Variants in RYR2 observed in about 807,000 individuals in gnomAD.
RYR2 encodes cardiac muscle ryanodine receptor-calcium release channel.
RYR2 carries 227 observed loss-of-function variants against 601.1 expected under a neutral mutation model. The ratio of observed to expected loss-of-function variants is 0.38; its 90% confidence interval spans 0.34 to 0.42. The LOEUF (loss-of-function observed/expected upper bound fraction) is 0.42. RYR2 is among the 10% of genes least tolerant of loss of function. RYR2 has a pLI of 1.00. For missense variants in RYR2, 4,646 were observed against 6,156.5 expected, an observed-to-expected ratio of 0.75 and a Z score of 8.21; for synonymous variants, 2,223 against 2,175.1, an observed-to-expected ratio of 1.02 and a Z score of -0.61.
At chr1:237,183,002 A>G (rs565384226) in intron 1 of RYR2, among the ~76,000 whole-genome samples, 1 of 152,280 alleles carries the variant, frequency 6.6e-6, no homozygotes, top group East Asian at 1.9e-4. Flanking sequence ...GAAAACAGGT[A>G]ACTCTGGTTT....
In RYR2 at chr1:237,682,030, A is replaced by G. The variant is rs77940068; in HGVS notation, c.9017+1453A>G. 9.7e-3 allele frequency among the ~76,000 whole-genome samples: 1,483 copies of G among 152,258 alleles called. 22 individuals are homozygous for G. Among genetic ancestry groups the G allele is most frequent in the African/African-American group, 0.033 (1,382 of 41,536 alleles). On this transcript the variant is annotated intron_variant, in intron 62 of 104. Transcript: ENST00000366574. ...AGAAAATAGAGAAAAATTCAAATAA[A>G]TCAATGCAAATTCTGCTATTTTCCT...
chr1:237,113,706 A>G (rs560432462), intron 1 of RYR2, among the ~76,000 whole-genome samples: 17 of 152,296 alleles, frequency 1.1e-4, no homozygotes, highest in Non-Finnish European at 1.9e-4. Flanking sequence ...GAGAAAAGAG[A>G]TAAGAACCAG....
At chr1:237,108,877 G>A (rs1232471966) in intron 1 of RYR2, among the ~76,000 whole-genome samples, 1 of 152,188 alleles carries the variant, frequency 6.6e-6, no homozygotes, top group Non-Finnish European at 1.5e-5. Context: ...GTGTTTTGGG[G>A]TACTGGCTCC....
At chr1:237,583,803 A>G (rs1559065566) in intron 29 of RYR2, among the ~76,000 whole-genome samples, 1 of 152,162 alleles carries the variant, frequency 6.6e-6, no homozygotes, top group African/African-American at 2.4e-5. Context: ...TTGCCCCTAC[A>G]TCTTTGGGAC....
intron 91 of RYR2, among the ~76,000 whole-genome samples, chr1:237,787,280 A>G (rs1191050417): frequency 6.6e-6 from 1 of 152,068 alleles, no homozygotes. Flanking sequence ...TTAATGGAAA[A>G]TGTTAAAAAT....
At position 237,176,102 on chromosome 1, in the gene RYR2, CCTGTAGTCCCAGTTGTTT is replaced by C. The variant is rs1345487473; in HGVS notation, c.49-94394_49-94377del. On this transcript the variant is annotated intron_variant, in intron 1 of 104. Coordinates refer to ENST00000366574, the MANE Select transcript of RYR2 (RefSeq NM_001035.3). Reference sequence around the variant, plus strand: ...CATTAGCCAGGCACGGTGGTGTGTACCTGTAGTCCCAGTTGTTTGGGAGGCCAAGGCAGGAGGATCACT... The same window carrying C: ...CATTAGCCAGGCACGGTGGTGTGTACGGGAGGCCAAGGCAGGAGGATCACT... 7.3e-5 allele frequency among the ~76,000 whole-genome samples: 11 copies of C among 151,722 alleles called. No homozygotes were observed. The East Asian group carries it at 2.1e-3, about 30-fold the overall frequency.
chr1:237,656,956 TTCAC>T (rs1683305825), intron 53 of RYR2, among the ~76,000 whole-genome samples: 1 of 152,228 alleles, frequency 6.6e-6, no homozygotes, highest in South Asian at 2.1e-4. Flanking sequence ...CTATCACATA[TTCAC>T]ATTCCTACAT....
chr1:237,638,604 A>G (rs183736136), intron 45 of RYR2, 112 bp downstream of exon 45: 80 of 1,177,516 alleles, frequency 6.8e-5, no homozygotes, highest in Admixed American at 5.3e-4. Context: ...GAAATCACAT[A>G]TTTTATAATC....
intron 25 of RYR2, among the ~76,000 whole-genome samples, chr1:237,532,926 G>A (rs1668275360): frequency 6.6e-6 from 1 of 152,160 alleles, no homozygotes; most frequent in Admixed American, 6.5e-5. Flanking sequence ...GTTAATACAT[G>A]TCCCCATGAC....
chr1:237,431,653 A>C (rs1042316597), intron 12 of RYR2, among the ~76,000 whole-genome samples: 4 of 152,162 alleles, frequency 2.6e-5, no homozygotes, highest in African/African-American at 9.7e-5. Flanking sequence ...ATTTCTATAT[A>C]TTGCTGACTA....
chr1:237,570,215 C>T (rs1322501192), intron 29 of RYR2, among the ~76,000 whole-genome samples: 1 of 73,384 alleles, frequency 1.4e-5, no homozygotes, highest in African/African-American at 3.7e-5. Context: ...AAGACTGCAT[C>T]TCAAAAAAAA....
At chr1:237,830,497 A>G in intron 102 of RYR2, 33 bp from the exon 103 acceptor site, 1 of 1,320,262 alleles carries the variant, frequency 7.6e-7, no homozygotes. Flanking sequence ...TGCTTTCTGA[A>G]CTCTGACGTT....
chr1:237,380,830 C>T (rs953834858), intron 8 of RYR2, among the ~76,000 whole-genome samples: 1 of 152,024 alleles, frequency 6.6e-6, no homozygotes, highest in East Asian at 1.9e-4. Flanking sequence ...GTAATCCCAA[C>T]ACTCTGGAAG....
chr1:237,662,328 G>A (rs1028336796), intron 56 of RYR2, among the ~76,000 whole-genome samples: 29 of 151,772 alleles, frequency 1.9e-4, no homozygotes, highest in Non-Finnish European at 2.8e-4. Flanking sequence ...AGCACAAACT[G>A]CGTACTAGAT....
At chr1:237,289,350 T>C (rs1412770950) in intron 2 of RYR2, among the ~76,000 whole-genome samples, 3 of 152,160 alleles carry the variant, frequency 2.0e-5, no homozygotes, top group Non-Finnish European at 4.4e-5. Flanking sequence ...TTTGTATTAG[T>C]CCTTTCTCAT....
chr1:237,127,953 C>A (rs1671709895), intron 1 of RYR2, among the ~76,000 whole-genome samples: 1 of 152,144 alleles, frequency 6.6e-6, no homozygotes, highest in Non-Finnish European at 1.5e-5. Context: ...GGCGGCCAGG[C>A]AGAGATGCTC....
intron 44 of RYR2, among the ~76,000 whole-genome samples, chr1:237,638,065 GT>G (rs1252863225): frequency 6.6e-6 from 1 of 150,866 alleles, no homozygotes; most frequent in African/African-American, 2.4e-5. Flanking sequence ...AGATATGTTT[GT>G]GGCATTTATT....
At chr1:237,294,860 G>A (rs1692598503) in intron 2 of RYR2, among the ~76,000 whole-genome samples, 1 of 152,084 alleles carries the variant, frequency 6.6e-6, no homozygotes, top group South Asian at 2.1e-4. Flanking sequence ...ATATTAATGG[G>A]TACAGTTTTT....
intron 1 of RYR2, among the ~76,000 whole-genome samples, chr1:237,045,920 G>A (rs1176518875): frequency 7.1e-5 from 2 of 27,994 alleles, no homozygotes; most frequent in Non-Finnish European, 1.2e-4. Context: ...TCTTTCATTT[G>A]TCTAAGCACA....
Sources: allele counts gnomAD v4.1 joint callset (sites outside exome capture counted in the v4.1 genomes callset), GRCh38; gene constraint gnomAD v4.1.1; transcripts MANE v1.5; gene names NCBI Gene and HGNC (gene_info 2026-07-23, HGNC 2026-07-21).